The following BAG3 variants were observed in gnomAD, a reference collection of about 807,000 sequenced individuals.
BAG3 encodes the protein BAG family molecular chaperone regulator 3.
A neutral mutation model predicts 40.5 loss-of-function variants in BAG3; 14 were observed. The ratio of observed to expected loss-of-function variants is 0.35; its 90% CI spans 0.23 to 0.54. The LOEUF is 0.54. Ranked by LOEUF, BAG3 falls within the 20% of genes least tolerant of loss-of-function variation. The pLI, the probability that BAG3 is intolerant of heterozygous loss-of-function variation, is 0.91. For missense variants in BAG3, 788 were observed against 758.6 expected, an observed-to-expected ratio of 1.04 and a Z score of -0.46; for synonymous variants, 302 against 307.8, an observed-to-expected ratio of 0.98 and a Z score of 0.20.
Position 119,670,182 on chromosome 10 carries a change from G to A in BAG3, c.507+5G>A. 1 of 1,603,446 alleles carries A rather than the reference G, an allele frequency of 6.2e-7. No homozygotes were observed. On this transcript the variant is annotated splice_donor_5th_base_variant and intron_variant, in intron 2 of 3. Transcript: ENST00000369085. ...CCAGCCTCCCACGGACCTGAGGTAA[G>A]GAGAGGCCAGGCTCACCAGCCTGCT... is the stretch of plus-strand genomic sequence containing the variant.
chr10:119,660,699 A>C (rs1311856223), intron 1 of BAG3, among the ~76,000 whole-genome samples: 1 of 151,888 alleles, frequency 6.6e-6, no homozygotes, highest in Non-Finnish European at 1.5e-5. Context: ...TAAATAAATA[A>C]ATATTTTTTT....
intron 3 of BAG3, among the ~76,000 whole-genome samples, chr10:119,674,046 C>T (rs569919151): frequency 1.3e-5 from 2 of 152,192 alleles, no homozygotes; most frequent in African/African-American, 2.4e-5. Flanking sequence ...AGGATGTCTT[C>T]CAGGACTGAA....
chr10:119,669,753 G>T, intron 1 of BAG3, 98 bp from the exon 2 acceptor site: 1 of 1,260,548 alleles, frequency 7.9e-7, no homozygotes, highest in East Asian at 2.3e-5. Context: ...CAAGTCACTC[G>T]GGAAGATCAC....
chr10:119,677,181 GAAGATC>G lies in BAG3; in HGVS notation c.1628_1633del (p.Glu543_Pro545delinsAla), dbSNP rs1847251591. The G allele has an allele frequency of 6.2e-7, 1 of 1,614,042 alleles. No homozygotes were observed. Among genetic ancestry groups the G allele is most frequent in the African/African-American group, 1.3e-5 (1 of 74,928 alleles). On this transcript the variant is annotated inframe_deletion, in exon 4 of 4. Transcript: ENST00000369085. ...GGGCAAGAAAAATGCTGGAAATGCA[GAAGATC>G]CCCACACAGAAACCCAGCAGCCAGA...
Position 119,677,452 on chromosome 10 carries a change from T to A in BAG3, c.*170T>A. 2.5e-6 allele frequency: 2 copies of A among 785,114 alleles called. No homozygotes were observed. Among genetic ancestry groups the A allele is most frequent in the Admixed American group, 4.3e-5 (2 of 47,058 alleles). 48.6% of individuals were successfully genotyped at this position (785,114 alleles called of 1,614,324 possible). A position where few individuals can be genotyped will look rare whatever the true frequency, so the allele number is the denominator to read the frequency against. ...AGGGCTAAAAAGGAAAATGATGCTTTTCTTCTATATTCTTACTCTGTACAA... is the reference window on the plus strand; with the variant it reads ...AGGGCTAAAAAGGAAAATGATGCTTATCTTCTATATTCTTACTCTGTACAA... On this transcript the variant is annotated 3_prime_UTR_variant, in exon 4 of 4. Coordinates refer to ENST00000369085, the MANE Select transcript of BAG3 (RefSeq NM_004281.4).
intron 1 of BAG3, among the ~76,000 whole-genome samples, chr10:119,657,761 A>G (rs996627721): frequency 2.6e-5 from 4 of 152,270 alleles, no homozygotes; most frequent in Non-Finnish European, 4.4e-5. Context: ...CCAATGACAC[A>G]GCATCTTACA....
At position 119,672,607 on chromosome 10, in the gene BAG3, T is replaced by C. The variant is rs1199609493; in HGVS notation, c.860T>C (p.Leu287Pro). The C allele has an allele frequency of 6.2e-7, 1 of 1,614,038 alleles. No homozygotes were observed. Among genetic ancestry groups the C allele is most frequent in the Non-Finnish European group, 8.5e-7 (1 of 1,180,018 alleles). The change falls in exon 3 of 4, where the codon CTC becomes CCC. Residue 287 changes from leucine (L) to proline (P), a missense_variant. By Grantham distance (98) the Leu-to-Pro change is moderately conservative (BLOSUM62 -3). Transcript: ENST00000369085. This position sits in a 1 kb window ranked among gnomAD's most constrained non-coding sequence, Gnocchi z 4.8. ...EGSPARSSTP[L>P]HSPSPIRVHT... ...TCACCAGCCAGGAGCAGCACGCCAC[T>C]CCACTCCCCCTCGCCCATCCGTGTG...
chr10:119,676,409 A>G, intron 3 of BAG3, 55 bp from the exon 4 acceptor site: 1 of 1,589,216 alleles, frequency 6.3e-7, no homozygotes, highest in Non-Finnish European at 8.6e-7. Flanking sequence ...GCTACAAACA[A>G]TTTCTGTGAC....
Position 119,651,577 on chromosome 10 carries a change from G to A in BAG3, c.-99G>A, listed in dbSNP as rs531905024. ...CCGGCGCCGGCTTCCCGGACACGTC[G>A]GCGGCGGAGAGGGGCCCACGGCGGC... On this transcript the variant is annotated 5_prime_UTR_variant, in exon 1 of 4. Coordinates refer to ENST00000369085, the MANE Select transcript of BAG3 (RefSeq NM_004281.4). 7.7e-6 allele frequency: 9 copies of A among 1,176,098 alleles called. 1 individual carries two copies. The South Asian group carries it at 2.0e-4, about 27-fold the overall frequency. The allele number at this position is 1,176,098 out of a possible 1,614,324, so 72.9% of individuals were successfully genotyped here. A position where few individuals can be genotyped will look rare whatever the true frequency, so the allele number is the denominator to read the frequency against.
At chr10:119,673,929 G>A (rs930280338) in intron 3 of BAG3, among the ~76,000 whole-genome samples, 9 of 152,142 alleles carry the variant, frequency 5.9e-5, no homozygotes, top group African/African-American at 9.7e-5. Flanking sequence ...AGACATTCTC[G>A]TTCATAACCA....
chr10:119,663,609 C>G (rs1167124576), intron 1 of BAG3, among the ~76,000 whole-genome samples: 1 of 152,118 alleles, frequency 6.6e-6, no homozygotes, highest in Non-Finnish European at 1.5e-5. Flanking sequence ...CCACCGGACC[C>G]GGGCCCTCCT....
chr10:119,663,154 G>A (rs1400758322), intron 1 of BAG3, among the ~76,000 whole-genome samples: 1 of 152,198 alleles, frequency 6.6e-6, no homozygotes, highest in East Asian at 1.9e-4. Flanking sequence ...TCTTCTCCAC[G>A]GCTCTTTCAT....
intron 1 of BAG3, among the ~76,000 whole-genome samples, chr10:119,662,215 GTTTTTTTTTTGT>G (rs1323385628): frequency 2.5e-4 from 23 of 90,396 alleles, no homozygotes; most frequent in African/African-American, 1.0e-3. Context: ...GCCTGGCTAT[GTTTTTTTTTTGT>G]TTTTTTTTTT....
intron 1 of BAG3, among the ~76,000 whole-genome samples, chr10:119,662,229 T>G (rs1015728738): frequency 6.2e-5 from 9 of 145,844 alleles, no homozygotes; most frequent in African/African-American, 2.0e-4. Flanking sequence ...TTTTTTTGTT[T>G]TTTTTTTTTT....
chr10:119,675,902 C>T (rs1192501819), intron 3 of BAG3, among the ~76,000 whole-genome samples: 4 of 6,754 alleles, frequency 5.9e-4, no homozygotes, highest in African/African-American at 5.0e-4. Flanking sequence ...CCTTCCTTCC[C>T]CCCTTCCTTC....
chr10:119,651,403 A>C lies in BAG3; in HGVS notation c.-273A>C. On this transcript the variant is annotated 5_prime_UTR_variant, in exon 1 of 4. Transcript: ENST00000369085. ...CCGCATCCAACCCCGGGCCGCGGCC[A>C]ACTTCTCTGGACTGGACCAGAAGTT... 3 of 321,668 alleles carry C rather than the reference A, an allele frequency of 9.3e-6. No homozygotes were observed. Among genetic ancestry groups the C allele is most frequent in the East Asian group, 5.2e-5 (1 of 19,124 alleles). The allele number at this position is 321,668 out of a possible 1,614,324, so 19.9% of individuals were successfully genotyped here.
At position 119,676,844 on chromosome 10, in the gene BAG3, G is replaced by GA. The variant is rs886039182; in HGVS notation, c.1292dup (p.Val432GlyfsTer12). 6.2e-7 allele frequency: 1 copy of GA among 1,614,178 alleles called. No individual in the cohort carries two copies. The highest frequency in any genetic ancestry group is 1.6e-4 in the Middle Eastern group (1 of 6,062). On this transcript the variant is annotated frameshift_variant, in exon 4 of 4. Transcript: ENST00000369085. LOFTEE classifies it high-confidence loss of function. Reference sequence around the variant, plus strand: ...TGCTGAAAGTGGAAGCCATCCTGGAGAAGGTACAGGGGCTGGAGCAGGCTG... The same window carrying GA: ...TGCTGAAAGTGGAAGCCATCCTGGAGAAAGGTACAGGGGCTGGAGCAGGCTG...
At position 119,677,173 on chromosome 10, in the gene BAG3, G is replaced by T; in HGVS notation, c.1619G>T (p.Gly540Val). The T allele has an allele frequency of 6.2e-7, 1 of 1,614,074 alleles. No individual in the cohort carries two copies. The highest frequency in any genetic ancestry group is 1.1e-5 in the South Asian group (1 of 91,078). The change falls in exon 4 of 4, where the codon GGA (glycine) becomes GTA (valine). Residue 540 changes from glycine (G) to valine (V), a missense_variant. Physicochemically the swap from Gly to Val is moderately radical, Grantham distance 109. Transcript: ENST00000369085. Reference sequence around the variant, plus strand: ...GCAGACAAGGGCAAGAAAAATGCTGGAAATGCAGAAGATCCCCACACAGAA... The same window carrying T: ...GCAGACAAGGGCAAGAAAAATGCTGTAAATGCAGAAGATCCCCACACAGAA... ...VAADKGKKNA[G>V]NAEDPHTETQ... is the part of the protein sequence containing the mutation.
At chr10:119,664,485 A>T (rs1288761336) in intron 1 of BAG3, among the ~76,000 whole-genome samples, 1 of 152,152 alleles carries the variant, frequency 6.6e-6, no homozygotes, top group African/African-American at 2.4e-5. Flanking sequence ...TGTGTTCCTG[A>T]TGTCTTTAGC....
Sources: gnomAD v4.1 joint callset for allele counts (sites outside exome capture counted in the v4.1 genomes callset) on GRCh38, gnomAD v4.1.1 for gene constraint, Gnocchi (gnomAD v3.1) non-coding constraint, MANE v1.5 for transcripts, NCBI Gene and HGNC (gene_info 2026-07-23, HGNC 2026-07-21) for gene names.